Variants in OPA3 observed in about 807,000 individuals in gnomAD.
The protein encoded by OPA3 is outer mitochondrial membrane lipid metabolism regulator OPA3.
A neutral mutation model predicts 4.0 loss-of-function variants in OPA3; 6 were observed. That is an observed-to-expected ratio of 1.51 (90% CI 0.83 to 2.99). The LOEUF is 2.99. OPA3 is among the 30% of genes most tolerant of loss of function. The pLI is 0.00. For synonymous variants in OPA3, 105 were observed against 117.1 expected (o/e 0.90, Z 0.67); for missense variants, 235 against 256.2 (o/e 0.92, Z 0.56).
At chr19:45,528,562 G>A (rs1969019757) in exon 2 of OPA3, 2 of 161,296 alleles carry the variant, frequency 1.2e-5, no homozygotes, top group African/African-American at 4.8e-5. Flanking sequence ...TCTTTACAAT[G>A]GTCTGTACCA....
intron 1 of OPA3, among the ~76,000 whole-genome samples, chr19:45,556,415 G>A (rs1444068986): frequency 1.3e-5 from 2 of 151,836 alleles, no homozygotes; most frequent in Non-Finnish European, 2.9e-5. Context: ...GGAAGGCAGC[G>A]GCTCCATCAC....
intron 1 of OPA3, among the ~76,000 whole-genome samples, chr19:45,574,442 C>T (rs1457109923): frequency 6.6e-6 from 1 of 151,878 alleles, no homozygotes; most frequent in African/African-American, 2.4e-5. Flanking sequence ...CCATGTATAC[C>T]CCCTGTAGCC....
At chr19:45,568,731 C>A (rs1432732745) in intron 1 of OPA3, among the ~76,000 whole-genome samples, 2 of 152,220 alleles carry the variant, frequency 1.3e-5, no homozygotes, top group Admixed American at 6.5e-5. Flanking sequence ...GAGGAGGTAA[C>A]CCCACTCCTG....
At chr19:45,556,908 C>A (rs888635869) in intron 1 of OPA3, among the ~76,000 whole-genome samples, 1 of 152,338 alleles carries the variant, frequency 6.6e-6, no homozygotes, top group South Asian at 2.1e-4. Flanking sequence ...CCCCCCGGGG[C>A]TCCGCCACCT....
At chr19:45,536,244 A>T (rs1189303834) in intron 1 of OPA3, among the ~76,000 whole-genome samples, 1,368 of 123,812 alleles carry the variant, frequency 0.011, 11 homozygotes, top group Non-Finnish European at 0.017. Context: ...AAAAAAAAAA[A>T]TTAAAAAAAA....
At chr19:45,574,795 T>C (rs1969743287) in intron 1 of OPA3, among the ~76,000 whole-genome samples, 3 of 152,194 alleles carry the variant, frequency 2.0e-5, no homozygotes, top group Non-Finnish European at 2.9e-5. Context: ...ATTCCAGGCC[T>C]TGCCCTTAAA....
intron 1 of OPA3, among the ~76,000 whole-genome samples, chr19:45,535,762 C>CT (rs370775683): frequency 0.52 from 63,332 of 122,866 alleles, 15,991 homozygotes; most frequent in South Asian, 0.58. Flanking sequence ...TTTTTCTTTT[C>CT]TTTTTTTTTT....
Position 45,548,347 on chromosome 19 carries a change from C to G in OPA3, c.*5167G>C, listed in dbSNP as rs1969281091. The G allele has an allele frequency of 1.0e-6, 1 of 985,534 alleles. No homozygotes were observed. The highest frequency in any genetic ancestry group is 1.2e-6 in the Non-Finnish European group (1 of 830,004). 61.0% of individuals were successfully genotyped at this position (985,534 alleles called of 1,614,324 possible). A position where few individuals can be genotyped will look rare whatever the true frequency, so the allele number is the denominator to read the frequency against. On this transcript the variant is annotated 3_prime_UTR_variant, in exon 2 of 2. Transcript: ENST00000263275. ...ATGGCCTGCCCTACAGAGAAACCAA[C>G]AAGAGGGACAGCAGGGCCTGCCAGG...
At chr19:45,572,784 T>TAG (rs1969704854) in intron 1 of OPA3, among the ~76,000 whole-genome samples, 1 of 79,510 alleles carries the variant, frequency 1.3e-5, no homozygotes, top group Admixed American at 1.3e-4. Context: ...TATCATACTA[T>TAG]ATATAGATAT....
chr19:45,544,495 A>T (rs1969222255), downstream of OPA3, among the ~76,000 whole-genome samples: 1 of 151,862 alleles, frequency 6.6e-6, no homozygotes, highest in South Asian at 2.1e-4. Context: ...CCCCGTCTCT[A>T]CTAAAAATAC....
At chr19:45,568,785 G>A (rs555640213) in intron 1 of OPA3, among the ~76,000 whole-genome samples, 10 of 152,092 alleles carry the variant, frequency 6.6e-5, no homozygotes, top group African/African-American at 1.7e-4. Context: ...CCACAGAGAC[G>A]GTGCTGGGAT....
chr19:45,539,317 C>T (rs1309166813), intron 1 of OPA3, among the ~76,000 whole-genome samples: 1 of 152,126 alleles, frequency 6.6e-6, no homozygotes, highest in Non-Finnish European at 1.5e-5. Context: ...TAAACATAGG[C>T]CAGGTGCAGT....
chr19:45,541,645 G>A (rs1242952905), downstream of OPA3, among the ~76,000 whole-genome samples: 2 of 152,120 alleles, frequency 1.3e-5, no homozygotes, highest in African/African-American at 4.8e-5. Context: ...GCTCATTGCA[G>A]CCTCGACCTC....
At chr19:45,572,489 G>T (rs1266945849) in intron 1 of OPA3, among the ~76,000 whole-genome samples, 12 of 112,244 alleles carry the variant, frequency 1.1e-4, no homozygotes, top group Non-Finnish European at 2.1e-4. Context: ...CATATATATC[G>T]AGATATATGA....
At chr19:45,529,241 C>G in exon 2 of OPA3, 2 of 1,613,478 alleles carry the variant, frequency 1.2e-6, no homozygotes, top group Non-Finnish European at 1.7e-6. Context: ...CGCAGCGCCT[C>G]CCTGGCAACA....
rs1457414284 is a variant in OPA3, at chr19:45,548,808, T to TATTTA, written c.*4701_*4705dup. 3 of 771,114 alleles carry TATTTA rather than the reference T, an allele frequency of 3.9e-6. No homozygotes were observed. The highest frequency in any genetic ancestry group is 4.7e-6 in the Non-Finnish European group (3 of 635,358). 47.8% of individuals were successfully genotyped at this position (771,114 alleles called of 1,614,324 possible). ...CATGGACCTTATTTATTTATTTATTTATTTATTTATTTAGAGATGAAGTCT... is the reference window on the plus strand; with the variant it reads ...CATGGACCTTATTTATTTATTTATTTATTTAATTTATTTATTTAGAGATGAAGTCT... On this transcript the variant is annotated 3_prime_UTR_variant, in exon 2 of 2. Coordinates refer to ENST00000263275, the MANE Select transcript of OPA3 (RefSeq NM_025136.4).
At position 45,553,380 on chromosome 19, in the gene OPA3, G is replaced by T. The variant is rs983655024; in HGVS notation, c.*134C>A. On this transcript the variant is annotated 3_prime_UTR_variant, in exon 2 of 2. Transcript: ENST00000263275. ...CAGGTAACGGCTGCTCTTATCAGCA[G>T]GGGTAACCAAATGCCAAGTTGCATC... The T allele has an allele frequency of 1.7e-5, 27 of 1,577,914 alleles. No homozygotes were observed. Among genetic ancestry groups the T allele is most frequent in the African/African-American group, 5.4e-5 (4 of 74,482 alleles).
chr19:45,559,135 T>C (rs1969464719), intron 1 of OPA3, among the ~76,000 whole-genome samples: 1 of 152,000 alleles, frequency 6.6e-6, no homozygotes, highest in African/African-American at 2.4e-5. Flanking sequence ...CCATTCACCT[T>C]GGCCTCCCAA....
At position 45,551,893 on chromosome 19, in the gene OPA3, C is replaced by A; in HGVS notation, c.*1621G>T. On this transcript the variant is annotated 3_prime_UTR_variant, in exon 2 of 2. Coordinates refer to ENST00000263275, the MANE Select transcript of OPA3 (RefSeq NM_025136.4). The stretch of plus-strand genomic sequence containing the variant: ...ACAATTGAATCCATGGGCTTGGATT[C>A]GACTGGGTCCCTGAGAAATGCTACT... 3 of 985,556 alleles carry A rather than the reference C, an allele frequency of 3.0e-6. No individual in the cohort carries two copies. The highest frequency in any genetic ancestry group is 3.6e-6 in the Non-Finnish European group (3 of 830,070). The allele number at this position is 985,556 out of a possible 1,614,324, so 61.1% of individuals were successfully genotyped here. A position where few individuals can be genotyped will look rare whatever the true frequency, so the allele number is the denominator to read the frequency against.
Sources: allele counts gnomAD v4.1 joint callset (sites outside exome capture counted in the v4.1 genomes callset), GRCh38; gene constraint gnomAD v4.1.1; transcripts MANE v1.5; gene names NCBI Gene and HGNC (gene_info 2026-07-23, HGNC 2026-07-21).